CMIP: variants seen among roughly 807,000 people sequenced by gnomAD.
CMIP encodes C-Maf-inducing protein.
A neutral mutation model predicts 97.3 loss-of-function variants in CMIP; 13 were observed. The ratio of observed to expected loss-of-function variants is 0.13; its 90% CI spans 0.09 to 0.21. CMIP has a LOEUF of 0.21. CMIP is among the 10% of genes least tolerant of loss of function. CMIP has a pLI of 1.00. For synonymous variants in CMIP, 538 were observed against 436.3 expected, an observed-to-expected ratio of 1.23 and a Z score of -2.91; for missense variants, 847 against 1,024.9, an observed-to-expected ratio of 0.83 and a Z score of 2.37.
chr16:81,668,698 C>G (rs1397967544), intron 7 of CMIP, among the ~76,000 whole-genome samples: 1 of 152,064 alleles, frequency 6.6e-6, no homozygotes, highest in African/African-American at 2.4e-5. Context: ...GTCCCCTCAT[C>G]ATAGTGACAC....
At chr16:81,572,043 C>A (rs868059471) in intron 1 of CMIP, among the ~76,000 whole-genome samples, 1 of 152,232 alleles carries the variant, frequency 6.6e-6, no homozygotes, top group Non-Finnish European at 1.5e-5. Flanking sequence ...TTGGCCCCGA[C>A]CCTGGCACCA....
intron 3 of CMIP, chr16:81,651,135 C>G (rs530952511): frequency 6.6e-6 from 1 of 152,326 alleles, no homozygotes; most frequent in Non-Finnish European, 1.5e-5. Flanking sequence ...GTCACCCCAG[C>G]TGGCTGCTGG....
At chr16:81,664,627 A>G in intron 7 of CMIP, 1 of 579,858 alleles carries the variant, frequency 1.7e-6, no homozygotes, top group East Asian at 2.8e-5. Flanking sequence ...AATAGGCCCA[A>G]ATAATGTCTG....
intron 9 of CMIP, 43 bp downstream of exon 9, chr16:81,672,113 C>T (rs1331164741): frequency 1.7e-6 from 2 of 1,183,302 alleles, no homozygotes; most frequent in Admixed American, 2.0e-5. Context: ...TTGGGAGGGG[C>T]AAACTGCCAC....
In CMIP at chr16:81,691,857, T is replaced by A; in HGVS notation, c.1454+17T>A. On this transcript the variant is annotated intron_variant, in intron 11 of 20. Transcript: ENST00000537098. ...CCCCAAAGAGTAAGTCCCGTGTGCA[T>A]CCCCGGAGCCCTCCCACCTGTGAGA... The A allele has an allele frequency of 6.2e-7, 1 of 1,609,566 alleles. No homozygotes were observed. Among genetic ancestry groups the A allele is most frequent in the East Asian group, 2.2e-5 (1 of 44,854 alleles).
intron 1 of CMIP, among the ~76,000 whole-genome samples, chr16:81,568,842 C>T (rs2091031949): frequency 6.6e-6 from 1 of 152,158 alleles, no homozygotes; most frequent in Non-Finnish European, 1.5e-5. Context: ...TGGGAAAACG[C>T]ACTTGTGGCC....
intron 16 of CMIP, 26 bp from the exon 17 acceptor site, chr16:81,702,596 T>A: frequency 6.2e-7 from 1 of 1,610,388 alleles, no homozygotes; most frequent in Non-Finnish European, 8.5e-7. Context: ...AAAGAATGGT[T>A]GTAACCAGCC....
At chr16:81,684,506 G>C (rs1905189481) in intron 10 of CMIP, among the ~76,000 whole-genome samples, 1 of 152,250 alleles carries the variant, frequency 6.6e-6, no homozygotes, top group African/African-American at 2.4e-5. Context: ...CAGGGCTCTG[G>C]TTGAGGTGGC....
At chr16:81,500,297 T>C (rs1435145639) in intron 1 of CMIP, among the ~76,000 whole-genome samples, 11 of 134,372 alleles carry the variant, frequency 8.2e-5, no homozygotes, top group African/African-American at 3.4e-4. Context: ...CTTCCTTCCT[T>C]CCTTCCTGCC....
chr16:81,505,512 G>T (rs1472751855), intron 1 of CMIP, among the ~76,000 whole-genome samples: 1 of 152,212 alleles, frequency 6.6e-6, no homozygotes. Flanking sequence ...CGAGTTTCTG[G>T]TCCCTCTTGG....
At chr16:81,660,291 T>C (rs928596411) in intron 5 of CMIP, among the ~76,000 whole-genome samples, 21 of 151,798 alleles carry the variant, frequency 1.4e-4, no homozygotes, top group African/African-American at 5.1e-4. Context: ...TTTTTTTTTT[T>C]AAGGCAGAGT....
intron 1 of CMIP, among the ~76,000 whole-genome samples, chr16:81,456,374 GA>G (rs1906547245): frequency 6.6e-6 from 1 of 152,184 alleles, no homozygotes; most frequent in African/African-American, 2.4e-5. Flanking sequence ...TACACAGCTG[GA>G]ACCCAGGCAG....
chr16:81,699,579 G>T (rs571412338), intron 14 of CMIP, 106 bp from the exon 15 acceptor site: 1 of 694,388 alleles, frequency 1.4e-6, no homozygotes, highest in Non-Finnish European at 2.6e-6. Flanking sequence ...TCTGGACAGC[G>T]TGTAGGCAGG....
chr16:81,563,216 GAC>G (rs1368353227), intron 1 of CMIP, among the ~76,000 whole-genome samples: 1 of 152,250 alleles, frequency 6.6e-6, no homozygotes, highest in Non-Finnish European at 1.5e-5. Context: ...CCTGATGGCA[GAC>G]ACAGAGGAAC....
At chr16:81,701,547 G>T (rs895469444) in intron 15 of CMIP, 113 bp from the exon 16 acceptor site, 10 of 1,459,992 alleles carry the variant, frequency 6.8e-6, no homozygotes, top group Non-Finnish European at 9.5e-6. Context: ...CGGGGCTGCA[G>T]AAAGGGGATA....
intron 3 of CMIP, among the ~76,000 whole-genome samples, chr16:81,622,894 G>A (rs1318576268): frequency 6.6e-6 from 1 of 152,214 alleles, no homozygotes; most frequent in Non-Finnish European, 1.5e-5. Flanking sequence ...TAAAAGCTCG[G>A]CCTTGAAACA....
chr16:81,528,016 T>C (rs1018279517), intron 1 of CMIP, among the ~76,000 whole-genome samples: 2 of 152,240 alleles, frequency 1.3e-5, no homozygotes, highest in South Asian at 2.1e-4. Flanking sequence ...TTTTCCAAAG[T>C]GGTTGTACCA....
chr16:81,517,870 AG>A (rs1196782340), intron 1 of CMIP: 2 of 901,700 alleles, frequency 2.2e-6, no homozygotes, highest in Admixed American at 1.2e-4. Context: ...CAGGGCGCAG[AG>A]TTGGCAGTGG....
chr16:81,669,228 A>C (rs1200123124), intron 7 of CMIP, among the ~76,000 whole-genome samples: 2 of 73,274 alleles, frequency 2.7e-5, no homozygotes, highest in African/African-American at 5.9e-5. Flanking sequence ...TTCCACATCC[A>C]CCTCACACCT....
Sources: allele counts gnomAD v4.1 joint callset (sites outside exome capture counted in the v4.1 genomes callset), GRCh38; gene constraint gnomAD v4.1.1; transcripts MANE v1.5; gene names NCBI Gene and HGNC (gene_info 2026-07-23, HGNC 2026-07-21).